Variants in ZCCHC24 observed in about 807,000 individuals in gnomAD.
ZCCHC24 encodes zinc finger CCHC domain-containing protein 24.
ZCCHC24 carries 10 observed loss-of-function variants against 26.2 expected under a neutral mutation model. The ratio of observed to expected loss-of-function variants is 0.38; its 90% CI spans 0.24 to 0.65. ZCCHC24 has a LOEUF of 0.65. Among genes scored for constraint, ZCCHC24 ranks in the 30% least tolerant of loss-of-function variants. The pLI, the probability that ZCCHC24 is intolerant of heterozygous loss-of-function variation, is 0.54. For synonymous variants in ZCCHC24, 144 were observed against 147.1 expected, an observed-to-expected ratio of 0.98 and a Z score of 0.15; for missense variants, 243 against 329.1, an observed-to-expected ratio of 0.74 and a Z score of 2.03.
chr10:79,403,652 G>A (rs1856669442), intron 2 of ZCCHC24: 2 of 960,098 alleles, frequency 2.1e-6, no homozygotes, highest in South Asian at 9.6e-5. Flanking sequence ...AGCCGTCCTC[G>A]CCTCCTTGCC....
At chr10:79,393,968 G>A (rs1025800367) in intron 3 of ZCCHC24, among the ~76,000 whole-genome samples, 5 of 152,186 alleles carry the variant, frequency 3.3e-5, no homozygotes, top group African/African-American at 1.2e-4. Flanking sequence ...GACACTGGCC[G>A]ACTGGATGGA....
At chr10:79,442,389 G>A (rs973976232) in intron 1 of ZCCHC24, among the ~76,000 whole-genome samples, 9 of 152,336 alleles carry the variant, frequency 5.9e-5, no homozygotes, top group Admixed American at 2.0e-4. Flanking sequence ...ACTCAGAACC[G>A]TTGGCTTATC....
At chr10:79,430,673 TCA>T (rs150924599) in intron 2 of ZCCHC24, among the ~76,000 whole-genome samples, 12 of 131,194 alleles carry the variant, frequency 9.1e-5, no homozygotes, top group East Asian at 2.4e-4. Context: ...GCACATACAC[TCA>T]CACACACACA....
At chr10:79,435,989 G>A (rs1307783534) in intron 1 of ZCCHC24, among the ~76,000 whole-genome samples, 2 of 152,204 alleles carry the variant, frequency 1.3e-5, no homozygotes, top group African/African-American at 4.8e-5. Context: ...AATGGAGCGG[G>A]GAAGGGGGAA....
chr10:79,420,606 C>G (rs1209093857), intron 2 of ZCCHC24, among the ~76,000 whole-genome samples: 1 of 152,184 alleles, frequency 6.6e-6, no homozygotes, highest in Non-Finnish European at 1.5e-5. Context: ...TGGAGAAACC[C>G]TGTCTCTACT....
intron 2 of ZCCHC24, among the ~76,000 whole-genome samples, chr10:79,416,477 G>A (rs958690972): frequency 6.6e-6 from 1 of 152,170 alleles, no homozygotes; most frequent in African/African-American, 2.4e-5. Flanking sequence ...GGCCTGAGCT[G>A]GTGGGATAAG....
At chr10:79,429,315 G>A (rs1401251348) in intron 2 of ZCCHC24, among the ~76,000 whole-genome samples, 2 of 152,232 alleles carry the variant, frequency 1.3e-5, no homozygotes, top group African/African-American at 4.8e-5. Context: ...AGGAGAGGTG[G>A]CTCATGCCTG....
chr10:79,396,964 A>T (rs1255892368), intron 2 of ZCCHC24, among the ~76,000 whole-genome samples: 1 of 152,232 alleles, frequency 6.6e-6, no homozygotes, highest in African/African-American at 2.4e-5. Flanking sequence ...CAGAAGACAA[A>T]ACAGGAATAT....
At chr10:79,407,010 G>T (rs11596242) in intron 2 of ZCCHC24, among the ~76,000 whole-genome samples, 49,610 of 152,144 alleles carry the variant, frequency 0.33, 9,457 homozygotes, top group African/African-American at 0.52. Context: ...CACTTCCTCC[G>T]GGAAGCCTCC....
intron 2 of ZCCHC24, among the ~76,000 whole-genome samples, chr10:79,400,819 C>A (rs1319462423): frequency 2.6e-5 from 4 of 152,206 alleles, no homozygotes; most frequent in African/African-American, 9.6e-5. Context: ...GCTAGCCCCC[C>A]AACTGTGGAA....
intron 1 of ZCCHC24, among the ~76,000 whole-genome samples, chr10:79,444,851 C>A (rs1204280351): frequency 6.6e-6 from 1 of 152,206 alleles, no homozygotes; most frequent in Admixed American, 6.5e-5. Flanking sequence ...CCGCCCAGGC[C>A]GCACCCCAGC....
At chr10:79,403,433 G>A in intron 2 of ZCCHC24, 1 of 985,470 alleles carries the variant, frequency 1.0e-6, no homozygotes, top group African/African-American at 1.7e-5. Flanking sequence ...ATGTCCACAT[G>A]CACGGCCGGG....
Position 79,386,254 on chromosome 10 carries a change from C to T in ZCCHC24, c.*91G>A, listed in dbSNP as rs1751019167. 7.9e-7 allele frequency: 1 copy of T among 1,269,990 alleles called. No individual in the cohort carries two copies. The allele number at this position is 1,269,990 out of a possible 1,614,324, so 78.7% of individuals were successfully genotyped here. ...CAGGCCTGCGAGGGCACCCCATGCACAGGGCGACACGCAGCCCCTCGGAGT... is the reference window on the plus strand; with the variant it reads ...CAGGCCTGCGAGGGCACCCCATGCATAGGGCGACACGCAGCCCCTCGGAGT... On this transcript the variant is annotated 3_prime_UTR_variant, in exon 4 of 4. Coordinates refer to ENST00000372336, the MANE Select transcript of ZCCHC24 (RefSeq NM_153367.4).
intron 2 of ZCCHC24, among the ~76,000 whole-genome samples, chr10:79,397,208 G>A (rs568617343): frequency 5.3e-5 from 8 of 152,314 alleles, no homozygotes; most frequent in South Asian, 2.1e-4. Context: ...ACTGCCTAAC[G>A]TCTTTGGATC....
chr10:79,413,065 T>A (rs1192556749), intron 2 of ZCCHC24, among the ~76,000 whole-genome samples: 1 of 152,218 alleles, frequency 6.6e-6, no homozygotes, highest in Non-Finnish European at 1.5e-5. Context: ...TGAAGGATTA[T>A]ATGGAAGTCT....
chr10:79,423,828 G>C (rs539420527), intron 2 of ZCCHC24, among the ~76,000 whole-genome samples: 6 of 150,298 alleles, frequency 4.0e-5, no homozygotes, highest in African/African-American at 1.5e-4. Flanking sequence ...AACCAGCCTG[G>C]CCAACATGGT....
chr10:79,392,085 C>T (rs1856486854), intron 3 of ZCCHC24, among the ~76,000 whole-genome samples: 1 of 152,014 alleles, frequency 6.6e-6, no homozygotes, highest in Non-Finnish European at 1.5e-5. Flanking sequence ...CCTTCCCTGC[C>T]GATGCCCCAC....
intron 1 of ZCCHC24, chr10:79,444,102 C>T (rs972455311): frequency 4.5e-6 from 7 of 1,544,764 alleles, no homozygotes; most frequent in Admixed American, 2.0e-5. Context: ...TAAAACTCAC[C>T]GGTGTGCCCA....
chr10:79,428,492 A>ATTT lies in ZCCHC24; in HGVS notation c.447+4065_447+4066insAAA, dbSNP rs112047064. ...GATAAATTTCAGTTTTGCAAGATAA[A>ATTT]AAGAGCTCTGTGGCTGGAAGGTGGT... On this transcript the variant is annotated intron_variant, in intron 2 of 3. Coordinates refer to ENST00000372336, the MANE Select transcript of ZCCHC24 (RefSeq NM_153367.4). Among the ~76,000 whole-genome samples the ATTT allele has an allele frequency of 1.5e-4, 20 of 133,928 alleles. No individual in the cohort carries two copies. In the East Asian group the frequency reaches 2.4e-3, roughly 16 times the overall value. The allele number at this position is 133,928 out of a possible 152,430, so 87.9% of individuals were successfully genotyped here. A position where few individuals can be genotyped will look rare whatever the true frequency, so the allele number is the denominator to read the frequency against.
Sources: gnomAD v4.1 joint callset for allele counts (sites outside exome capture counted in the v4.1 genomes callset) on GRCh38, gnomAD v4.1.1 for gene constraint, MANE v1.5 for transcripts, NCBI Gene and HGNC (gene_info 2026-07-23, HGNC 2026-07-21) for gene names.